EYA4: variants seen among roughly 807,000 people sequenced by gnomAD.
EYA4 encodes the protein protein phosphatase EYA4.
In EYA4, 31 loss-of-function variants were observed where a neutral mutation model predicts 87.9. The ratio of observed to expected loss-of-function variants is 0.35; its 90% CI spans 0.27 to 0.48. The LOEUF is 0.48. EYA4 is among the 20% of genes least tolerant of loss of function. The pLI is 0.99. For synonymous variants in EYA4, 263 were observed against 270.6 expected (o/e 0.97, Z 0.28); for missense variants, 678 against 761.4 (o/e 0.89, Z 1.29).
In EYA4 at chr6:133,416,471, G is replaced by A. The variant is rs545271085; in HGVS notation, c.84-30159G>A. 1.3e-4 allele frequency among the ~76,000 whole-genome samples: 20 copies of A among 152,068 alleles called. No homozygotes were observed. In the South Asian group the frequency reaches 4.1e-3, roughly 32 times the overall value. The stretch of plus-strand genomic sequence containing the variant: ...ATCAAGTGTTTTGTTGATTTGTTTT[G>A]TTTGATCTATTTTAAAATCCTTACA... On this transcript the variant is annotated intron_variant, in intron 3 of 19. Transcript: ENST00000355286.
chr6:133,309,650 C>A (rs1458976735), intron 2 of EYA4, among the ~76,000 whole-genome samples: 1 of 152,086 alleles, frequency 6.6e-6, no homozygotes, highest in Non-Finnish European at 1.5e-5. Flanking sequence ...AACCATGTGC[C>A]GCAGTAAGAT....
chr6:133,240,609 A>T (rs1458947376), upstream of EYA4: 1 of 152,186 alleles, frequency 6.6e-6, no homozygotes, highest in East Asian at 1.9e-4. Context: ...TTGCTGCCTG[A>T]CCTTTGGGCG....
At chr6:133,511,533 C>T (rs951756369) in intron 14 of EYA4, 1 of 151,730 alleles carries the variant, frequency 6.6e-6, no homozygotes, top group Non-Finnish European at 1.5e-5. Context: ...AATGCCCTCA[C>T]CAAATTTCAC....
At chr6:133,478,675 T>C (rs574954056) in intron 11 of EYA4, among the ~76,000 whole-genome samples, 1 of 152,186 alleles carries the variant, frequency 6.6e-6, no homozygotes, top group South Asian at 2.1e-4. Flanking sequence ...AAAACACTTC[T>C]GCAGATATTT....
chr6:133,530,379 G>C lies in EYA4; in HGVS notation c.*1574G>C, dbSNP rs1032386848. ...TAGCCCATGTTGGGAACACGATACAGGTTCTCCTCTTATTTCCTATGACAC... is the reference window on the plus strand; with the variant it reads ...TAGCCCATGTTGGGAACACGATACACGTTCTCCTCTTATTTCCTATGACAC... On this transcript the variant is annotated 3_prime_UTR_variant, in exon 20 of 20. Coordinates refer to ENST00000355286, the MANE Select transcript of EYA4 (RefSeq NM_004100.5). The C allele has an allele frequency of 1.0e-6, 1 of 985,264 alleles. No homozygotes were observed. Among genetic ancestry groups the C allele is most frequent in the Admixed American group, 6.2e-5 (1 of 16,260 alleles). The allele number at this position is 985,264 out of a possible 1,614,324, so 61.0% of individuals were successfully genotyped here. A position where few individuals can be genotyped will look rare whatever the true frequency, so the allele number is the denominator to read the frequency against.
At chr6:133,518,174 T>G (rs116674611) in intron 17 of EYA4, among the ~76,000 whole-genome samples, 1,608 of 152,204 alleles carry the variant, frequency 0.011, 30 homozygotes, top group African/African-American at 0.037. Context: ...GCTTTCATTA[T>G]TTCTAAAAGA....
chr6:133,529,380 A>T lies in EYA4; in HGVS notation c.*575A>T. The T allele has an allele frequency of 1.0e-6, 1 of 994,884 alleles. No homozygotes were observed. The highest frequency in any genetic ancestry group is 1.2e-6 in the Non-Finnish European group (1 of 834,618). 61.6% of individuals were successfully genotyped at this position (994,884 alleles called of 1,614,324 possible). On this transcript the variant is annotated 3_prime_UTR_variant, in exon 20 of 20. Transcript: ENST00000355286. The stretch of plus-strand genomic sequence containing the variant: ...TTTTCTTTCTTTTGTTGGGGAGGGG[A>T]ATGGGAGGGGAAATGGGAATATAAT...
At chr6:133,325,566 TGTCAA>T (rs1781436120) in intron 2 of EYA4, among the ~76,000 whole-genome samples, 2 of 152,352 alleles carry the variant, frequency 1.3e-5, no homozygotes, top group Admixed American at 1.3e-4. Context: ...ATGGGTTAGC[TGTCAA>T]GTCATCAAGA....
chr6:133,499,292 G>A (rs1304873561), intron 13 of EYA4, among the ~76,000 whole-genome samples: 3 of 152,036 alleles, frequency 2.0e-5, no homozygotes, highest in Non-Finnish European at 4.4e-5. Flanking sequence ...GAGGAGCCTC[G>A]TGAGGTGTGT....
intron 17 of EYA4, 150 bp downstream of exon 17, chr6:133,515,585 A>T: frequency 5.0e-6 from 3 of 604,572 alleles, no homozygotes; most frequent in Non-Finnish European, 9.2e-6. Context: ...ATTTCAGTGC[A>T]TGTGCATGAG....
chr6:133,330,584 C>T (rs1253069173), intron 2 of EYA4, among the ~76,000 whole-genome samples: 2 of 149,978 alleles, frequency 1.3e-5, no homozygotes, highest in Non-Finnish European at 3.0e-5. Context: ...CACACACACA[C>T]ACACACACAT....
At chr6:133,509,229 T>G (rs946807983) in intron 14 of EYA4, among the ~76,000 whole-genome samples, 2 of 152,198 alleles carry the variant, frequency 1.3e-5, no homozygotes, top group African/African-American at 4.8e-5. Flanking sequence ...CACACAACTT[T>G]TTATTTCAAT....
At chr6:133,415,344 G>T (rs972763652) in intron 3 of EYA4, among the ~76,000 whole-genome samples, 4 of 152,092 alleles carry the variant, frequency 2.6e-5, no homozygotes, top group Non-Finnish European at 5.9e-5. Context: ...AAATGCCCAA[G>T]AACTTACAAT....
At chr6:133,499,367 C>A (rs191618539) in intron 13 of EYA4, among the ~76,000 whole-genome samples, 9 of 152,282 alleles carry the variant, frequency 5.9e-5, no homozygotes, top group Admixed American at 5.2e-4. Context: ...ATCCTCCCAA[C>A]ATGGTATTTT....
intron 7 of EYA4, 138 bp from the exon 8 acceptor site, chr6:133,462,197 T>A (rs1483133581): frequency 2.1e-5 from 22 of 1,062,262 alleles, no homozygotes; most frequent in Non-Finnish European, 2.0e-5. Flanking sequence ...AGACTGTTGC[T>A]TTTTCCTATA....
At chr6:133,401,487 T>C (rs1855988) in intron 3 of EYA4, among the ~76,000 whole-genome samples, 5,241 of 152,220 alleles carry the variant, frequency 0.034, 282 homozygotes, top group East Asian at 0.22. Flanking sequence ...ATGTATCAAA[T>C]TATCACACGT....
At chr6:133,368,115 C>G (rs212826) in intron 2 of EYA4, among the ~76,000 whole-genome samples, 101,355 of 152,036 alleles carry the variant, frequency 0.67, 34,308 homozygotes, top group Non-Finnish European at 0.75. Context: ...TACCATTTCT[C>G]TGTTTCTAGG....
chr6:133,285,275 G>A (rs1777959544), intron 2 of EYA4, among the ~76,000 whole-genome samples: 1 of 152,130 alleles, frequency 6.6e-6, no homozygotes. Context: ...TTTTTGGAGA[G>A]TAGTTAGGGA....
rs867471700 is a variant in EYA4, at chr6:133,359,524, C to G, written c.34-22868C>G. Among the ~76,000 whole-genome samples, 9 of 152,246 alleles carry G rather than the reference C, an allele frequency of 5.9e-5. 1 individual carries two copies. In the Middle Eastern group the frequency reaches 0.014, roughly 230 times the overall value. On this transcript the variant is annotated intron_variant, in intron 2 of 19. Transcript: ENST00000355286. ...AATTCCCTTATCTGTTTTTGAGGAG[C>G]TGCAGACATAGAAACCAACATGTTT...
Sources: allele counts gnomAD v4.1 joint callset (sites outside exome capture counted in the v4.1 genomes callset), GRCh38; gene constraint gnomAD v4.1.1; transcripts MANE v1.5; gene names NCBI Gene and HGNC (gene_info 2026-07-23, HGNC 2026-07-21).